CYBRD1: variants seen among roughly 807,000 people sequenced by gnomAD.
The protein encoded by CYBRD1 is plasma membrane ascorbate-dependent reductase CYBRD1.
CYBRD1 carries 14 observed loss-of-function variants against 21.9 expected under a neutral mutation model. That is an observed-to-expected ratio of 0.64 (90% CI 0.42 to 1.00). CYBRD1 has a LOEUF of 1.00. Ranked by LOEUF, CYBRD1 falls within the 50% of genes least tolerant of loss-of-function variation. The pLI, the probability that CYBRD1 is intolerant of heterozygous loss-of-function variation, is 0.00. For synonymous variants in CYBRD1, 146 were observed against 136.5 expected, an observed-to-expected ratio of 1.07 and a Z score of -0.48; for missense variants, 328 against 352.5, an observed-to-expected ratio of 0.93 and a Z score of 0.56.
intron 2 of CYBRD1, among the ~76,000 whole-genome samples, chr2:171,549,477 A>G (rs1462326267): frequency 6.6e-6 from 1 of 152,226 alleles, no homozygotes; most frequent in Admixed American, 6.5e-5. Flanking sequence ...GTAGAAAGAT[A>G]TAAAGAAAAA....
intron 2 of CYBRD1, 49 bp downstream of exon 2, chr2:171,541,842 A>T (rs1178839418): frequency 7.7e-7 from 1 of 1,303,682 alleles, no homozygotes; most frequent in Non-Finnish European, 1.1e-6. Flanking sequence ...CAATTCAGAG[A>T]CTGTAAATGT....
At chr2:171,546,279 A>G (rs908255907) in intron 2 of CYBRD1, among the ~76,000 whole-genome samples, 3 of 152,238 alleles carry the variant, frequency 2.0e-5, no homozygotes, top group East Asian at 3.8e-4. Context: ...TTGCACAGCT[A>G]TAAATCAAGG....
chr2:171,554,769 TA>T lies in CYBRD1; in HGVS notation c.804del (p.Ala269GlnfsTer7). 6.2e-7 allele frequency: 1 copy of T among 1,613,972 alleles called. No homozygotes were observed. Among genetic ancestry groups the T allele is most frequent in the South Asian group, 1.1e-5 (1 of 91,076 alleles). ...TCAGATTCAGAGTTAAACAGTGAAG[TA>T]GCAGCAAGGAAAAGAAACTTAGCTC... ...DKSDSELNSE[V>X]AARKRNLALD... On this transcript the variant is annotated frameshift_variant, in exon 4 of 4. Transcript: ENST00000321348. LOFTEE classifies it high-confidence loss of function.
In CYBRD1 at chr2:171,555,289, G is replaced by T; in HGVS notation, c.*462G>T. 1 of 190,434 alleles carries T rather than the reference G, an allele frequency of 5.3e-6. No homozygotes were observed. The highest frequency in any genetic ancestry group is 1.0e-4 in the South Asian group (1 of 9,880). The allele number at this position is 190,434 out of a possible 1,614,324, so 11.8% of individuals were successfully genotyped here. On this transcript the variant is annotated 3_prime_UTR_variant, in exon 4 of 4. Transcript: ENST00000321348. ...ATATCTGGGACAGGGTTTAGATCAT[G>T]ACTCTACACAGATACCATGATGAGA...
chr2:171,532,054 T>C (rs1697475333), intron 1 of CYBRD1, among the ~76,000 whole-genome samples: 2 of 152,252 alleles, frequency 1.3e-5, no homozygotes, highest in Admixed American at 1.3e-4. Context: ...ACAGTTTGAA[T>C]GCACAGACAT....
chr2:171,553,565 G>T, intron 3 of CYBRD1, 65 bp downstream of exon 3: 1 of 1,391,650 alleles, frequency 7.2e-7, no homozygotes, highest in Non-Finnish European at 9.5e-7. Flanking sequence ...TTGTTCACTG[G>T]GAAAATGTAA....
At chr2:171,535,785 C>G (rs1697535602) in intron 1 of CYBRD1, among the ~76,000 whole-genome samples, 1 of 151,896 alleles carries the variant, frequency 6.6e-6, no homozygotes, top group African/African-American at 2.4e-5. Context: ...ACTATAGGCA[C>G]ACACTGCCAG....
intron 1 of CYBRD1, among the ~76,000 whole-genome samples, chr2:171,525,823 G>A (rs572394096): frequency 5.9e-5 from 9 of 152,066 alleles, no homozygotes; most frequent in African/African-American, 2.2e-4. Context: ...CTCTGGGCCG[G>A]CACAGTCCAG....
chr2:171,538,931 G>A (rs1398999043), intron 1 of CYBRD1, among the ~76,000 whole-genome samples: 2 of 152,028 alleles, frequency 1.3e-5, no homozygotes, highest in African/African-American at 4.8e-5. Context: ...CCAAGTAGCT[G>A]GGATTACAGG....
rs72625236 is a variant in CYBRD1, at chr2:171,540,692, G to A, written c.194-893G>A. 0.044 allele frequency: 6,662 copies of A among 151,132 alleles called. 795 individuals carry two copies. The East Asian group carries it at 0.52, about 12-fold the overall frequency. The allele number at this position is 151,132 out of a possible 1,614,324, so 9.4% of individuals were successfully genotyped here. A position where few individuals can be genotyped will look rare whatever the true frequency, so the allele number is the denominator to read the frequency against. ...ATATGTGGTAGAGGTATTCTCATTC[G>A]GCTTAAATTTGTATTTCTCTATTGC... On this transcript the variant is annotated intron_variant, in intron 1 of 3. Coordinates refer to ENST00000321348, the MANE Select transcript of CYBRD1 (RefSeq NM_024843.4).
chr2:171,547,722 T>C (rs748888723), intron 2 of CYBRD1, among the ~76,000 whole-genome samples: 5 of 152,154 alleles, frequency 3.3e-5, no homozygotes, highest in Non-Finnish European at 7.3e-5. Context: ...GCTTCTGTTT[T>C]TCCCATGAGG....
At chr2:171,547,346 A>G (rs1460611364) in intron 2 of CYBRD1, among the ~76,000 whole-genome samples, 1 of 151,888 alleles carries the variant, frequency 6.6e-6, no homozygotes, top group Non-Finnish European at 1.5e-5. Context: ...CAGAGTGGTA[A>G]CTCAGTCAAG....
At chr2:171,539,079 C>G (rs73024941) in intron 1 of CYBRD1, among the ~76,000 whole-genome samples, 2 of 152,100 alleles carry the variant, frequency 1.3e-5, no homozygotes, top group African/African-American at 4.8e-5. Flanking sequence ...ATTACAGCAC[C>G]GAGTGGCTCA....
chr2:171,553,044 T>C (rs1481082550), intron 2 of CYBRD1, among the ~76,000 whole-genome samples: 1 of 152,150 alleles, frequency 6.6e-6, no homozygotes, highest in Non-Finnish European at 1.5e-5. Flanking sequence ...ATATTAGCCA[T>C]TAAAAGGAAT....
chr2:171,542,383 C>G (rs1051763500), intron 2 of CYBRD1, among the ~76,000 whole-genome samples: 1 of 152,074 alleles, frequency 6.6e-6, no homozygotes, highest in Non-Finnish European at 1.5e-5. Context: ...GGCATGCTGG[C>G]TCATGCCTAT....
intron 1 of CYBRD1, among the ~76,000 whole-genome samples, chr2:171,536,624 A>G (rs1381502863): frequency 6.6e-6 from 1 of 151,988 alleles, no homozygotes; most frequent in Non-Finnish European, 1.5e-5. Flanking sequence ...TAGCAGAGAC[A>G]GAGTTTCACC....
chr2:171,536,820 T>C (rs1023611629), intron 1 of CYBRD1, among the ~76,000 whole-genome samples: 3 of 152,220 alleles, frequency 2.0e-5, no homozygotes, highest in Admixed American at 6.5e-5. Flanking sequence ...AAAATGCTAC[T>C]GTGGTTCATT....
In CYBRD1 at chr2:171,548,645, T is replaced by TAAAAAAAAAAAAAAAAAAA; in HGVS notation, c.403-4698_403-4680dup. 2.2e-5 allele frequency among the ~76,000 whole-genome samples: 2 copies of TAAAAAAAAAAAAAAAAAAA among 89,970 alleles called. 1 individual carries two copies. Among genetic ancestry groups the TAAAAAAAAAAAAAAAAAAA allele is most frequent in the Non-Finnish European group, 4.2e-5 (2 of 47,834 alleles). The allele number at this position is 89,970 out of a possible 152,430, so 59.0% of individuals were successfully genotyped here. On this transcript the variant is annotated intron_variant, in intron 2 of 3. Coordinates refer to ENST00000321348, the MANE Select transcript of CYBRD1 (RefSeq NM_024843.4). The stretch of plus-strand genomic sequence containing the variant: ...AAGCTCATTAAATCTACCTGTACCC[T>TAAAAAAAAAAAAAAAAAAA]AAAAAAAAAAAAAAAAAAAAAGCAA...
Position 171,538,901 on chromosome 2 carries a change from G to T in CYBRD1, c.194-2684G>T, listed in dbSNP as rs554371400. 7.2e-5 allele frequency among the ~76,000 whole-genome samples: 11 copies of T among 152,106 alleles called. 4 individuals are homozygous for T. The highest frequency in any genetic ancestry group is 2.7e-4 in the African/African-American group (11 of 41,498). ...CAACCTCCGCCTCCCGAGTTCAAGCGATTCTCCTGCCTCAGCCTCCCAAGT... is the reference window on the plus strand; with the variant it reads ...CAACCTCCGCCTCCCGAGTTCAAGCTATTCTCCTGCCTCAGCCTCCCAAGT... On this transcript the variant is annotated intron_variant, in intron 1 of 3. Coordinates refer to ENST00000321348, the MANE Select transcript of CYBRD1 (RefSeq NM_024843.4).
Sources: allele counts gnomAD v4.1 joint callset (sites outside exome capture counted in the v4.1 genomes callset), GRCh38; gene constraint gnomAD v4.1.1; transcripts MANE v1.5; gene names NCBI Gene and HGNC (gene_info 2026-07-23, HGNC 2026-07-21).